Variants in ZWILCH observed in about 807,000 individuals in gnomAD.
ZWILCH encodes zwilch kinetochore protein.
ZWILCH carries 74 observed loss-of-function variants against 79.9 expected under a neutral mutation model. The ratio of observed to expected loss-of-function variants is 0.93; its 90% CI spans 0.77 to 1.12. The LOEUF (loss-of-function observed/expected upper bound fraction) is 1.12, where lower values mean the gene tolerates loss of function less well. Among genes scored for constraint, ZWILCH ranks in the 50% most tolerant of loss-of-function variants. The probability of loss-of-function intolerance (pLI) is 0.00; values close to 1 mark genes in which losing one functional copy is unlikely to be tolerated. For synonymous variants in ZWILCH, 241 were observed against 228.2 expected (o/e 1.06, Z -0.51); for missense variants, 694 against 687.5 (o/e 1.01, Z -0.11).
At chr15:66,509,993 A>C (rs1039732486) in intron 2 of ZWILCH, among the ~76,000 whole-genome samples, 1 of 149,880 alleles carries the variant, frequency 6.7e-6, no homozygotes, top group Non-Finnish European at 1.5e-5. Flanking sequence ...CCTGGCCAAC[A>C]TGGTGAAACC....
intron 2 of ZWILCH, among the ~76,000 whole-genome samples, chr15:66,509,776 A>G (rs1444045684): frequency 1.4e-5 from 2 of 147,366 alleles, no homozygotes; most frequent in Non-Finnish European, 3.0e-5. Context: ...GGGAATACTC[A>G]TGAATGAGAA....
chr15:66,505,372 T>C lies in ZWILCH; in HGVS notation c.34T>C (p.Phe12Leu). Residue 12 changes from phenylalanine to leucine, a missense_variant, in exon 1 of 19, where the codon TTT becomes CTT. Physicochemically the swap from Phe to Leu is conservative, Grantham distance 22. Transcript: ENST00000307897. ...GCGGCTGAACTGCGCAGCAGAGGACTTTTATTCTCGTCTCCTTCAGTGAGT... is the reference window on the plus strand; with the variant it reads ...GCGGCTGAACTGCGCAGCAGAGGACCTTTATTCTCGTCTCCTTCAGTGAGT... Reference protein sequence around the residue: ...WERLNCAAEDFYSRLLQKFNE... With the variant: ...WERLNCAAEDLYSRLLQKFNE... The C allele has an allele frequency of 7.4e-6, 12 of 1,614,170 alleles. No individual in the cohort carries two copies. The highest frequency in any genetic ancestry group is 9.3e-6 in the Non-Finnish European group (11 of 1,180,016).
At chr15:66,508,694 G>A (rs1893916561) in intron 1 of ZWILCH, 147 bp from the exon 2 acceptor site, 3 of 1,377,992 alleles carry the variant, frequency 2.2e-6, no homozygotes, top group Admixed American at 6.1e-5. Context: ...TTCTCTCTCT[G>A]CAACTACATC....
At chr15:66,527,771 C>T (rs1894723901) in intron 9 of ZWILCH, 86 bp from the exon 10 acceptor site, 1 of 1,154,488 alleles carries the variant, frequency 8.7e-7, no homozygotes, top group Non-Finnish European at 1.3e-6. Context: ...CTACTGTCCC[C>T]ATTTACCATT....
intron 3 of ZWILCH, among the ~76,000 whole-genome samples, chr15:66,515,265 A>G (rs1567041801): frequency 6.6e-6 from 1 of 152,116 alleles, no homozygotes; most frequent in African/African-American, 2.4e-5. Context: ...TTCCTTTTCT[A>G]AAAGCATCAG....
At chr15:66,546,464 TAAAGTA>T (rs1341408374) in intron 17 of ZWILCH, 121 bp from the exon 18 acceptor site, 1 of 438,754 alleles carries the variant, frequency 2.3e-6, no homozygotes, top group Non-Finnish European at 4.1e-6. Flanking sequence ...TGAATTCTCT[TAAAGTA>T]GAAGACACAT....
At position 66,528,835 on chromosome 15, in the gene ZWILCH, G is replaced by A. The variant is rs768265792; in HGVS notation, c.970-17G>A. 6.2e-7 allele frequency: 1 copy of A among 1,607,784 alleles called. No individual in the cohort carries two copies. Among genetic ancestry groups the A allele is most frequent in the Admixed American group, 1.7e-5 (1 of 59,664 alleles). On this transcript the variant is annotated splice_polypyrimidine_tract_variant and intron_variant, in intron 10 of 18. Transcript: ENST00000307897. ...AAAAAAAAACTGAGTATTCTCTGAA[G>A]GTTGCTTCTTTTTCAGACCTTGAAG...
chr15:66,545,088 C>T (rs1314794741), intron 17 of ZWILCH, among the ~76,000 whole-genome samples: 1 of 147,324 alleles, frequency 6.8e-6, no homozygotes, highest in African/African-American at 2.5e-5. Context: ...TGTGGTGGCT[C>T]ACACCTGTAA....
intron 18 of ZWILCH, chr15:66,548,021 A>G (rs1567056095): frequency 6.6e-6 from 1 of 152,614 alleles, no homozygotes; most frequent in Non-Finnish European, 1.5e-5. Flanking sequence ...TTCTGGCCTC[A>G]AGTGATTCAC....
chr15:66,542,790 C>G (rs995907514), intron 17 of ZWILCH, among the ~76,000 whole-genome samples: 2 of 151,932 alleles, frequency 1.3e-5, no homozygotes, highest in African/African-American at 4.8e-5. Context: ...CTCAAGAGTT[C>G]AAGGCTAGCC....
chr15:66,505,531 G>A, intron 1 of ZWILCH, 140 bp downstream of exon 1: 2 of 1,009,444 alleles, frequency 2.0e-6, no homozygotes, highest in South Asian at 1.4e-5. Flanking sequence ...GTTGGGGAGA[G>A]GCCGGTTCTC....
chr15:66,527,965 G>A (rs1437272104), intron 10 of ZWILCH, 53 bp downstream of exon 10: 11 of 1,466,806 alleles, frequency 7.5e-6, no homozygotes, highest in Admixed American at 2.3e-5. Flanking sequence ...TTTAAAATTC[G>A]GTTATGCTGA....
chr15:66,515,358 A>G (rs1223365763), intron 3 of ZWILCH, among the ~76,000 whole-genome samples, 168 bp from the exon 4 acceptor site: 1 of 152,164 alleles, frequency 6.6e-6, no homozygotes, highest in Non-Finnish European at 1.5e-5. Flanking sequence ...ATTTTTTGGT[A>G]CCAAGCTAGT....
At chr15:66,514,252 G>T in intron 3 of ZWILCH, 169 bp downstream of exon 3, 1 of 384,124 alleles carries the variant, frequency 2.6e-6, no homozygotes, top group Non-Finnish European at 4.7e-6. Context: ...AACCACATAT[G>T]CAATTTAACA....
chr15:66,517,802 G>A (rs1438136557), intron 4 of ZWILCH, among the ~76,000 whole-genome samples: 15 of 126,460 alleles, frequency 1.2e-4, no homozygotes, highest in Non-Finnish European at 1.6e-4. Flanking sequence ...GCGTGATCTC[G>A]GCTCACAGCA....
At chr15:66,505,888 A>G (rs1469249737) in intron 1 of ZWILCH, 2 of 163,058 alleles carry the variant, frequency 1.2e-5, no homozygotes, top group East Asian at 1.9e-4. Flanking sequence ...CCAAGACTTC[A>G]TTTTATTCTT....
At chr15:66,521,020 T>G (rs1894471780) in intron 6 of ZWILCH, 30 bp from the exon 7 acceptor site, 1 of 1,607,860 alleles carries the variant, frequency 6.2e-7, no homozygotes. Flanking sequence ...GAAGCACAGC[T>G]AAATGATCTG....
chr15:66,529,479 G>T lies in ZWILCH; in HGVS notation c.1076-15G>T. 1 of 1,593,588 alleles carries T rather than the reference G, an allele frequency of 6.3e-7. No individual in the cohort carries two copies. The highest frequency in any genetic ancestry group is 1.1e-5 in the South Asian group (1 of 90,564). ...AATACCCTGAAAATAATGTTACACT[G>T]ACTTGTTTTCCAAGGTGTGATTTCA... On this transcript the variant is annotated splice_polypyrimidine_tract_variant and intron_variant, in intron 11 of 18. Transcript: ENST00000307897.
intron 7 of ZWILCH, among the ~76,000 whole-genome samples, chr15:66,521,868 A>T (rs1894506196): frequency 6.6e-6 from 1 of 151,614 alleles, no homozygotes; most frequent in Admixed American, 6.6e-5. Context: ...AAGCCCTTTC[A>T]CTCTGTATTT....
Sources: allele counts gnomAD v4.1 joint callset (sites outside exome capture counted in the v4.1 genomes callset), GRCh38; gene constraint gnomAD v4.1.1; transcripts MANE v1.5; gene names NCBI Gene and HGNC (gene_info 2026-07-23, HGNC 2026-07-21).